Variants in ITGA11 observed in about 807,000 individuals in gnomAD.
ITGA11 encodes the protein integrin alpha-11.
ITGA11 carries 97 observed loss-of-function variants against 141.9 expected under a neutral mutation model. The observed-to-expected ratio is 0.68, with a 90% CI of 0.58 to 0.81. The LOEUF is 0.81. Among genes scored for constraint, ITGA11 ranks in the 30% least tolerant of loss-of-function variants. The probability of loss-of-function intolerance (pLI) is 0.00; values close to 1 mark genes in which losing one functional copy is unlikely to be tolerated. For missense variants in ITGA11, 1,387 were observed against 1,559.2 expected (o/e 0.89, Z 1.86); for synonymous variants, 658 against 624.6 (o/e 1.05, Z -0.80).
intron 1 of ITGA11, among the ~76,000 whole-genome samples, chr15:68,411,613 G>A (rs1213825883): frequency 1.3e-5 from 2 of 152,208 alleles, no homozygotes; most frequent in Non-Finnish European, 2.9e-5. Flanking sequence ...CACATCTAGT[G>A]GGTGGCAGAG....
At chr15:68,404,336 C>T (rs942865476) in intron 1 of ITGA11, among the ~76,000 whole-genome samples, 5 of 152,118 alleles carry the variant, frequency 3.3e-5, no homozygotes, top group African/African-American at 7.2e-5. Flanking sequence ...GCAGCTGAAG[C>T]GAGCACAGAA....
Position 68,311,010 on chromosome 15 carries a change from C to G in ITGA11, c.3158G>C (p.Arg1053Pro). The stretch of plus-strand genomic sequence containing the variant: ...GACACTCACCAGCTGTGGAGCACGA[C>G]GCAAGTCTTCCTCCACTGGGGTGGG... ...YRPTPVEEDL[R>P]RAPQLNHSNS... is the part of the protein sequence containing the mutation. The change falls in exon 26 of 30, where the codon CGT (arginine) becomes CCT (proline). Residue 1053 changes from arginine (R) to proline (P), a missense_variant. By Grantham distance (103) the Arg-to-Pro change is moderately radical. Transcript: ENST00000315757. The G allele has an allele frequency of 1.2e-6, 2 of 1,604,210 alleles. No individual in the cohort carries two copies. Among genetic ancestry groups the G allele is most frequent in the South Asian group, 1.1e-5 (1 of 89,002 alleles).
chr15:68,383,749 C>A (rs11637411), intron 2 of ITGA11, among the ~76,000 whole-genome samples: 5 of 152,144 alleles, frequency 3.3e-5, no homozygotes, highest in African/African-American at 1.2e-4. Context: ...TTCAACATTT[C>A]TTTATTCTCC....
intron 7 of ITGA11, among the ~76,000 whole-genome samples, chr15:68,351,810 C>T (rs764091597): frequency 1.3e-5 from 2 of 151,952 alleles, no homozygotes; most frequent in African/African-American, 2.4e-5. Flanking sequence ...TGGCCTGGCA[C>T]GGTGGCTCAC....
At chr15:68,364,686 G>T in intron 4 of ITGA11, 21 bp downstream of exon 4, 1 of 884,726 alleles carries the variant, frequency 1.1e-6, no homozygotes, top group Non-Finnish European at 1.7e-6. Flanking sequence ...CTGACCCCAA[G>T]CAGTGGCAGG....
chr15:68,416,940 C>G (rs1222142059), intron 1 of ITGA11, among the ~76,000 whole-genome samples: 1 of 152,142 alleles, frequency 6.6e-6, no homozygotes, highest in Non-Finnish European at 1.5e-5. Flanking sequence ...ACAAGGGTCA[C>G]AGTTTTTTAT....
Position 68,339,582 on chromosome 15 carries a change from C to T in ITGA11, c.1194G>A (p.Thr398=), listed in dbSNP as rs9302249. 0.01 allele frequency: 16,231 copies of T among 1,613,932 alleles called. 1,310 individuals carry two copies. In the African/African-American group the frequency reaches 0.18, roughly 18 times the overall value. Residue 398 remains threonine (T), a synonymous_variant, in exon 11 of 30, where the codon ACG becomes ACA. Coordinates refer to ENST00000315757, the MANE Select transcript of ITGA11 (RefSeq NM_001004439.2). ...YDWNGAVLKE[T]SAGKVIPLRE... ...GGAGAGGAATGACCTTCCCGGCACT[C>T]GTCTCCTTTAGCACAGCTCCATTCC...
At chr15:68,355,035 G>A (rs191649253) in intron 7 of ITGA11, among the ~76,000 whole-genome samples, 44 of 152,196 alleles carry the variant, frequency 2.9e-4, no homozygotes, top group Admixed American at 5.9e-4. Flanking sequence ...AAACTACCTG[G>A]TGAGTCACAC....
intron 5 of ITGA11, among the ~76,000 whole-genome samples, 156 bp from the exon 6 acceptor site, chr15:68,358,741 G>A (rs768007538): frequency 7.2e-5 from 11 of 152,210 alleles, no homozygotes; most frequent in Non-Finnish European, 1.3e-4. Flanking sequence ...ATTTATTTGG[G>A]CAATGTGAGT....
intron 2 of ITGA11, among the ~76,000 whole-genome samples, chr15:68,387,347 A>G (rs1373601917): frequency 1.3e-5 from 2 of 152,092 alleles, no homozygotes; most frequent in Non-Finnish European, 2.9e-5. Flanking sequence ...AGCTTAAGAC[A>G]CTGGGAATGG....
At chr15:68,426,565 G>A (rs1215256728) in intron 1 of ITGA11, among the ~76,000 whole-genome samples, 1 of 152,158 alleles carries the variant, frequency 6.6e-6, no homozygotes, top group Non-Finnish European at 1.5e-5. Flanking sequence ...GTCTAGCTGG[G>A]CCTAGAAGCT....
At chr15:68,412,961 C>T (rs1460282240) in intron 1 of ITGA11, among the ~76,000 whole-genome samples, 1 of 152,116 alleles carries the variant, frequency 6.6e-6, no homozygotes, top group African/African-American at 2.4e-5. Context: ...CAGGCGTGAG[C>T]CACTGGCACC....
intron 2 of ITGA11, among the ~76,000 whole-genome samples, chr15:68,397,750 ATTATATT>A (rs1896355369): frequency 1.6e-5 from 1 of 61,594 alleles, no homozygotes. Context: ...TATTTAAAAT[ATTATATT>A]TAAAATATTA....
At chr15:68,345,734 C>T (rs1327091075) in intron 10 of ITGA11, among the ~76,000 whole-genome samples, 1 of 152,178 alleles carries the variant, frequency 6.6e-6, no homozygotes, top group Non-Finnish European at 1.5e-5. Context: ...GGGAGACAGA[C>T]ATGCTCAGGG....
Position 68,313,826 on chromosome 15 carries a change from G to T in ITGA11, c.2835C>A (p.Ala945=), listed in dbSNP as rs199713744. The change falls in exon 23 of 30, where the codon GCC becomes GCA. Residue 945 remains alanine, a synonymous_variant. Coordinates refer to ENST00000315757, the MANE Select transcript of ITGA11 (RefSeq NM_001004439.2). ...CGTATTTGAGGTGGAAGCGTAAGGG[G>T]GCCACGTTGTCTTCCTTGGTGCTGT... ...ERDSTKEDNV[A]PLRFHLKYEA... 1.9e-4 allele frequency: 308 copies of T among 1,614,024 alleles called. 2 individuals carry two copies. Among genetic ancestry groups the T allele is most frequent in the African/African-American group, 1.0e-3 (76 of 75,064 alleles).
intron 7 of ITGA11, among the ~76,000 whole-genome samples, chr15:68,355,354 A>G (rs1226968720): frequency 6.6e-6 from 1 of 152,260 alleles, no homozygotes; most frequent in Non-Finnish European, 1.5e-5. Context: ...ACGCTAGTTG[A>G]GCAATGACTT....
intron 1 of ITGA11, among the ~76,000 whole-genome samples, chr15:68,424,465 G>C (rs1274115524): frequency 6.6e-6 from 1 of 152,140 alleles, no homozygotes; most frequent in East Asian, 1.9e-4. Flanking sequence ...TTATTGGACA[G>C]CTTCAAAAAA....
rs1012757791 is a variant in ITGA11 at position 68,361,638 on chromosome 15, C to T, written c.424G>A (p.Val142Ile). Reference protein sequence around the residue: ...SYYTTGMCSRVNSNFRFSKTV... With the variant: ...SYYTTGMCSRINSNFRFSKTV... ...TTGGAGAACCTGAAGTTGGAGTTGACTCTTGAACACATCCCTGTGGTGTAG... is the reference window on the plus strand; with the variant it reads ...TTGGAGAACCTGAAGTTGGAGTTGATTCTTGAACACATCCCTGTGGTGTAG... Residue 142 changes from valine to isoleucine, a missense_variant, in exon 5 of 30, where the codon GTC becomes ATC. Physicochemically the swap from Val to Ile is conservative, Grantham distance 29 (BLOSUM62 3). Transcript: ENST00000315757. 6.2e-7 allele frequency: 1 copy of T among 1,610,764 alleles called. No individual in the cohort carries two copies. Among genetic ancestry groups the T allele is most frequent in the East Asian group, 2.2e-5 (1 of 44,812 alleles).
At chr15:68,396,099 A>G (rs1460080230) in intron 2 of ITGA11, among the ~76,000 whole-genome samples, 1 of 152,120 alleles carries the variant, frequency 6.6e-6, no homozygotes, top group African/African-American at 2.4e-5. Context: ...AAGAAAATTT[A>G]CAGGTCAATA....
Sources: gnomAD v4.1 joint callset for allele counts (sites outside exome capture counted in the v4.1 genomes callset) on GRCh38, gnomAD v4.1.1 for gene constraint, MANE v1.5 for transcripts, NCBI Gene and HGNC (gene_info 2026-07-23, HGNC 2026-07-21) for gene names.